MIR2052HG: variants seen among roughly 807,000 people sequenced by gnomAD.
MIR2052HG encodes the protein MIR2052 host gene.
rs36064268 is a variant in MIR2052HG at position 74,668,026 on chromosome 8, GA to G, written n.217-34340del. On this transcript the variant is annotated intron_variant and non_coding_transcript_variant, in intron 2 of 6. Transcript: ENST00000523442. ...CATGCAAAGAGAGATGACTGGAATGGAAAAAAAAAAAAACCCAGTGACCCTC... is the reference window on the plus strand; with the variant it reads ...CATGCAAAGAGAGATGACTGGAATGGAAAAAAAAAAAACCCAGTGACCCTC... 7.2e-4 allele frequency among the ~76,000 whole-genome samples: 101 copies of G among 139,970 alleles called. 1 individual carries two copies. Among genetic ancestry groups the G allele is most frequent in the Middle Eastern group, 7.6e-3 (2 of 264 alleles). 91.8% of individuals were successfully genotyped at this position (139,970 alleles called of 152,430 possible). A position where few individuals can be genotyped will look rare whatever the true frequency, so the allele number is the denominator to read the frequency against.
At chr8:74,607,789 AAAGT>A (rs1254737851) in intron 1 of MIR2052HG, among the ~76,000 whole-genome samples, 1 of 152,202 alleles carries the variant, frequency 6.6e-6, no homozygotes, top group Non-Finnish European at 1.5e-5. Context: ...TGGTATAAAG[AAAGT>A]GACTCTTTAT....
intron 4 of MIR2052HG, among the ~76,000 whole-genome samples, chr8:74,735,963 G>C (rs1809740881): frequency 6.6e-6 from 1 of 152,146 alleles, no homozygotes; most frequent in South Asian, 2.1e-4. Flanking sequence ...TAAGTAGTAA[G>C]CAAATGCTAG....
intron 4 of MIR2052HG, among the ~76,000 whole-genome samples, chr8:74,719,849 C>CTTTTTTTTTTTTTTTTTTT (rs10647233): frequency 1.9e-5 from 2 of 106,718 alleles, no homozygotes; most frequent in Non-Finnish European, 3.6e-5. Flanking sequence ...TTTCTTTTTT[C>CTTTTTTTTTTTTTTTTTTT]TTTTTTTTTT....
At chr8:74,613,292 G>T (rs1325938044) in intron 2 of MIR2052HG, among the ~76,000 whole-genome samples, 1 of 152,094 alleles carries the variant, frequency 6.6e-6, no homozygotes, top group Non-Finnish European at 1.5e-5. Flanking sequence ...TTCAAGAAGG[G>T]TAAGGCATAC....
chr8:74,711,435 T>C (rs962466469), intron 4 of MIR2052HG, among the ~76,000 whole-genome samples: 1 of 152,224 alleles, frequency 6.6e-6, no homozygotes, highest in African/African-American at 2.4e-5. Context: ...AGCTAGATTT[T>C]ATATAATAGT....
intron 2 of MIR2052HG, chr8:74,633,220 GTCTCTTCA>G (rs1808540627): frequency 6.6e-6 from 1 of 152,102 alleles, no homozygotes; most frequent in Non-Finnish European, 1.5e-5. Flanking sequence ...TAGAGACAGG[GTCTCTTCA>G]TATTACCCAG....
At chr8:74,658,813 T>G (rs1463945486) in intron 2 of MIR2052HG, among the ~76,000 whole-genome samples, 1 of 152,168 alleles carries the variant, frequency 6.6e-6, no homozygotes, top group East Asian at 1.9e-4. Context: ...AAACAGAATC[T>G]CTGTAAAGCA....
At chr8:74,633,904 G>A (rs561274682) in intron 2 of MIR2052HG, among the ~76,000 whole-genome samples, 1 of 152,316 alleles carries the variant, frequency 6.6e-6, no homozygotes, top group East Asian at 1.9e-4. Flanking sequence ...ACATTTCTAA[G>A]TTGGTTAATG....
At chr8:74,717,664 A>C (rs1164131987) in intron 4 of MIR2052HG, among the ~76,000 whole-genome samples, 2 of 152,004 alleles carry the variant, frequency 1.3e-5, no homozygotes, top group African/African-American at 2.4e-5. Flanking sequence ...CAAAAAAATT[A>C]AAAAAATATA....
chr8:74,739,671 A>G (rs966979348), intron 4 of MIR2052HG, among the ~76,000 whole-genome samples: 15 of 152,236 alleles, frequency 9.9e-5, no homozygotes, highest in African/African-American at 3.6e-4. Flanking sequence ...CAGAGTGGAC[A>G]GCATAGAAGG....
chr8:74,674,933 G>C (rs573305024), intron 2 of MIR2052HG, among the ~76,000 whole-genome samples: 2 of 151,702 alleles, frequency 1.3e-5, no homozygotes, highest in Non-Finnish European at 2.9e-5. Flanking sequence ...ACCAATAACA[G>C]GCTTTTATTG....
intron 2 of MIR2052HG, among the ~76,000 whole-genome samples, chr8:74,697,257 G>C (rs759816273): frequency 6.6e-6 from 1 of 151,986 alleles, no homozygotes; most frequent in Non-Finnish European, 1.5e-5. Flanking sequence ...CTCAGAAAAA[G>C]CATTTGACAA....
chr8:74,725,273 T>G (rs1192105914), intron 4 of MIR2052HG, among the ~76,000 whole-genome samples: 1 of 152,226 alleles, frequency 6.6e-6, no homozygotes, highest in African/African-American at 2.4e-5. Context: ...TGTTCACAGT[T>G]GGCTGATAGC....
intron 2 of MIR2052HG, among the ~76,000 whole-genome samples, chr8:74,637,811 G>A (rs908659788): frequency 4.6e-5 from 7 of 151,974 alleles, no homozygotes; most frequent in African/African-American, 7.3e-5. Context: ...CTAGCCTATC[G>A]CTTACTGTAT....
At chr8:74,715,670 A>C (rs113917980) in intron 4 of MIR2052HG, among the ~76,000 whole-genome samples, 3,170 of 152,290 alleles carry the variant, frequency 0.021, 92 homozygotes, top group African/African-American at 0.07. Context: ...TCAATCTCTT[A>C]CTTTACAAAT....
At chr8:74,632,379 A>G (rs1346626755) in intron 2 of MIR2052HG, 2 of 152,106 alleles carry the variant, frequency 1.3e-5, no homozygotes, top group East Asian at 1.9e-4. Flanking sequence ...TTATTATCCT[A>G]TAGTGGCCCC....
At chr8:74,686,932 CTT>C (rs1308172032) in intron 2 of MIR2052HG, among the ~76,000 whole-genome samples, 1 of 152,086 alleles carries the variant, frequency 6.6e-6, no homozygotes, top group African/African-American at 2.4e-5. Context: ...TTTTAAAAGA[CTT>C]TGAAGTTCAG....
At chr8:74,740,560 T>C (rs1210955541) in intron 4 of MIR2052HG, among the ~76,000 whole-genome samples, 2 of 152,244 alleles carry the variant, frequency 1.3e-5, no homozygotes, top group African/African-American at 4.8e-5. Context: ...TTGAGTAGCT[T>C]ATAGTTCATT....
intron 4 of MIR2052HG, among the ~76,000 whole-genome samples, chr8:74,721,775 G>C (rs1586923427): frequency 6.6e-6 from 1 of 152,190 alleles, no homozygotes; most frequent in South Asian, 2.1e-4. Flanking sequence ...CAGATTTTAG[G>C]GGAGGGAATT....
Sources: gnomAD v4.1 joint callset for allele counts (sites outside exome capture counted in the v4.1 genomes callset) on GRCh38, gnomAD v4.1.1 for gene constraint, MANE v1.5 for transcripts, NCBI Gene and HGNC (gene_info 2026-07-23, HGNC 2026-07-21) for gene names.